RMST: variants seen among roughly 807,000 people sequenced by gnomAD.
RMST encodes the protein rhabdomyosarcoma 2 associated transcript.
chr12:97,465,677 T>A (rs1421369514), exon 5 of RMST: 1 of 152,156 alleles, frequency 6.6e-6, no homozygotes, highest in Non-Finnish European at 1.5e-5. Context: ...GCGCTGAATA[T>A]CTTCAGGAAA....
chr12:97,550,085 A>G (rs577415096), intron 11 of RMST, among the ~76,000 whole-genome samples: 1 of 152,316 alleles, frequency 6.6e-6, no homozygotes, highest in Non-Finnish European at 1.5e-5. Flanking sequence ...TCATTGGTGA[A>G]GCACCCTTTC....
intron 10 of RMST, among the ~76,000 whole-genome samples, chr12:97,518,902 T>A (rs1262483855): frequency 6.6e-6 from 1 of 151,902 alleles, no homozygotes; most frequent in Non-Finnish European, 1.5e-5. Context: ...CCAGAGTAGC[T>A]GAGACTACAG....
At chr12:97,520,187 A>G (rs1418346405) in intron 10 of RMST, among the ~76,000 whole-genome samples, 3 of 152,242 alleles carry the variant, frequency 2.0e-5, no homozygotes, top group African/African-American at 7.2e-5. Context: ...ACAATTTAGT[A>G]CAATAGTGGA....
rs897313911 is a variant in RMST, at chr12:97,481,581, A to C, written n.645-10880A>C. On this transcript the variant is annotated intron_variant and non_coding_transcript_variant, in intron 5 of 13. Transcript: ENST00000640149. ...GCTGAGCTTTGCTGTCCCCAAAAAT[A>C]CTACACATGCTATTTTCTCAGGAAG... 6.6e-5 allele frequency among the ~76,000 whole-genome samples: 10 copies of C among 152,276 alleles called. No homozygotes were observed. The East Asian group carries it at 1.9e-3, about 29-fold the overall frequency.
intron 5 of RMST, among the ~76,000 whole-genome samples, chr12:97,478,981 A>C (rs892673322): frequency 3.3e-5 from 5 of 152,046 alleles, no homozygotes; most frequent in Non-Finnish European, 5.9e-5. Context: ...CCGTGGCTCA[A>C]GTGCATCCAT....
In RMST at chr12:97,495,176, T is replaced by TGGGC. The variant is rs1555230756; in HGVS notation, n.1214+298_1214+299insCGGG. On this transcript the variant is annotated intron_variant and non_coding_transcript_variant, in intron 9 of 13. Coordinates refer to ENST00000640149, the Ensembl canonical transcript of RMST. ...TAAATTATGTACATCATTATTCTTATGGGGGGGGAGCCGCTGGGAAAGGCA... is the reference window on the plus strand; with the variant it reads ...TAAATTATGTACATCATTATTCTTATGGGCGGGGGGGGAGCCGCTGGGAAAGGCA... 4.8e-5 allele frequency among the ~76,000 whole-genome samples: 7 copies of TGGGC among 146,548 alleles called. 1 individual carries two copies. The South Asian group carries it at 1.1e-3, about 23-fold the overall frequency.
chr12:97,476,791 T>C (rs1376751649), intron 5 of RMST, among the ~76,000 whole-genome samples: 1 of 151,890 alleles, frequency 6.6e-6, no homozygotes, highest in Non-Finnish European at 1.5e-5. Flanking sequence ...GGGTTGAAGA[T>C]CTAAAAAAAG....
At chr12:97,546,227 C>T (rs546610182) in intron 11 of RMST, among the ~76,000 whole-genome samples, 2 of 152,166 alleles carry the variant, frequency 1.3e-5, no homozygotes, top group Admixed American at 6.5e-5. Flanking sequence ...CTGTCACTGA[C>T]AATATTTGAA....
At chr12:97,485,369 C>G (rs1157577627) in intron 5 of RMST, among the ~76,000 whole-genome samples, 1 of 152,156 alleles carries the variant, frequency 6.6e-6, no homozygotes, top group Non-Finnish European at 1.5e-5. Flanking sequence ...TGCATTTCCA[C>G]TCACTGAAAA....
intron 5 of RMST, among the ~76,000 whole-genome samples, chr12:97,479,195 A>G (rs1442560978): frequency 1.4e-4 from 17 of 124,202 alleles, no homozygotes; most frequent in Non-Finnish European, 1.7e-4. Flanking sequence ...CCTGGAGTGC[A>G]GTGGCACAGT....
At chr12:97,558,255 A>T (rs913411581) in intron 11 of RMST, among the ~76,000 whole-genome samples, 6 of 152,148 alleles carry the variant, frequency 3.9e-5, no homozygotes, top group Non-Finnish European at 8.8e-5. Context: ...TAGTAGAGCT[A>T]CTTATTTAAT....
chr12:97,474,444 T>G (rs1874288216), intron 5 of RMST, among the ~76,000 whole-genome samples: 1 of 152,048 alleles, frequency 6.6e-6, no homozygotes, highest in East Asian at 1.9e-4. Flanking sequence ...ACCTTTGAAC[T>G]CCATGCAATG....
rs114931334 is a variant in RMST at position 97,520,263 on chromosome 12, T to C, written n.1341-10392T>C. ...GAGGAGCAGGTGCGAGCTTCCAAAGTGTCTTTACAAGTGTCGCAGTGGGGC... is the reference window on the plus strand; with the variant it reads ...GAGGAGCAGGTGCGAGCTTCCAAAGCGTCTTTACAAGTGTCGCAGTGGGGC... On this transcript the variant is annotated intron_variant and non_coding_transcript_variant, in intron 10 of 13. Transcript: ENST00000640149. Among the ~76,000 whole-genome samples the C allele has an allele frequency of 9.2e-3, 1,396 of 152,292 alleles. 24 individuals carry two copies. Among genetic ancestry groups the C allele is most frequent in the African/African-American group, 0.032 (1,337 of 41,562 alleles).
intron 10 of RMST, among the ~76,000 whole-genome samples, chr12:97,507,841 G>A (rs756915704): frequency 1.3e-5 from 2 of 152,138 alleles, no homozygotes; most frequent in African/African-American, 4.8e-5. Context: ...TGAAAGCATG[G>A]AAGAACACTG....
chr12:97,535,854 C>A (rs2136605382), intron 11 of RMST, among the ~76,000 whole-genome samples: 1 of 151,632 alleles, frequency 6.6e-6, no homozygotes, highest in Non-Finnish European at 1.5e-5. Context: ...ACTGGGTCAC[C>A]CATGCAATGA....
intron 10 of RMST, among the ~76,000 whole-genome samples, chr12:97,523,481 C>T (rs902628153): frequency 6.6e-6 from 1 of 152,112 alleles, no homozygotes; most frequent in African/African-American, 2.4e-5. Flanking sequence ...TTTGAATGTT[C>T]TCACCTCAAA....
intron 11 of RMST, among the ~76,000 whole-genome samples, chr12:97,532,410 C>A (rs1207889342): frequency 1.3e-5 from 2 of 151,766 alleles, no homozygotes; most frequent in Non-Finnish European, 2.9e-5. Flanking sequence ...ATGCAGTAAA[C>A]ATTGTGAATA....
rs189568825 is a variant in RMST, at chr12:97,485,701, G to A, written n.645-6760G>A. Among the ~76,000 whole-genome samples, 26 of 152,314 alleles carry A rather than the reference G, an allele frequency of 1.7e-4. No individual in the cohort carries two copies. The East Asian group carries it at 2.7e-3, about 16-fold the overall frequency. The stretch of plus-strand genomic sequence containing the variant: ...AAAATAAGCCTCAGGAAGCATAAAC[G>A]GTTTGCTCAAAGCCACATAGCTAAT... On this transcript the variant is annotated intron_variant and non_coding_transcript_variant, in intron 5 of 13. Transcript: ENST00000640149.
intron 5 of RMST, among the ~76,000 whole-genome samples, chr12:97,480,203 C>T (rs1875095073): frequency 6.6e-6 from 1 of 151,394 alleles, no homozygotes. Context: ...CATTCTCTTG[C>T]CTCAGCCTCC....
Sources: gnomAD v4.1 joint callset for allele counts (sites outside exome capture counted in the v4.1 genomes callset) on GRCh38, gnomAD v4.1.1 for gene constraint, MANE v1.5 for transcripts, NCBI Gene and HGNC (gene_info 2026-07-23, HGNC 2026-07-21) for gene names.